VPS50: variants seen among roughly 807,000 people sequenced by gnomAD.
VPS50 encodes the protein VPS50 subunit of EARP/GARPII complex.
Under a neutral mutation model 139.7 loss-of-function variants are expected in VPS50, and 70 were observed. That is an observed-to-expected ratio of 0.50 (90% CI 0.41 to 0.61). The LOEUF (loss-of-function observed/expected upper bound fraction) is 0.61. Among genes scored for constraint, VPS50 ranks in the 20% least tolerant of loss-of-function variants. The probability of loss-of-function intolerance (pLI) is 0.00; values close to 1 mark genes in which losing one functional copy is unlikely to be tolerated. For synonymous variants in VPS50, 365 were observed against 376.7 expected (o/e 0.97, Z 0.36); for missense variants, 921 against 1,133.7 (o/e 0.81, Z 2.69).
At chr7:93,292,450 A>T (rs1387735689) in intron 13 of VPS50, among the ~76,000 whole-genome samples, 5 of 152,136 alleles carry the variant, frequency 3.3e-5, no homozygotes, top group African/African-American at 9.6e-5. Flanking sequence ...TTGTATAATT[A>T]TATATCTTAA....
Position 93,348,795 on chromosome 7 carries a change from G to A in VPS50, c.2292G>A (p.Gln764=), listed in dbSNP as rs1415416039. ...CAGTCAAAAAGCCCTTTCTTCAGCAGTTCTATTCTCAGGTCAGACATGGTC... is the reference window on the plus strand; with the variant it reads ...CAGTCAAAAAGCCCTTTCTTCAGCAATTCTATTCTCAGGTCAGACATGGTC... The part of the protein sequence containing the change: ...MPAVKKPFLQ[Q]FYSQTVSTAS... Residue 764 remains glutamine, a synonymous_variant, in exon 24 of 28, where the codon CAG becomes CAA. Coordinates refer to ENST00000305866, the MANE Select transcript of VPS50 (RefSeq NM_017667.4). The A allele has an allele frequency of 6.2e-7, 1 of 1,608,252 alleles. No individual in the cohort carries two copies. The highest frequency in any genetic ancestry group is 1.7e-5 in the Admixed American group (1 of 59,994).
intron 18 of VPS50, among the ~76,000 whole-genome samples, chr7:93,307,381 T>A (rs1797147546): frequency 6.6e-6 from 1 of 151,800 alleles, no homozygotes; most frequent in Non-Finnish European, 1.5e-5. Flanking sequence ...AACAGTTAAA[T>A]CACCAACAAA....
intron 9 of VPS50, among the ~76,000 whole-genome samples, chr7:93,268,784 C>T (rs1379141069): frequency 6.6e-6 from 1 of 151,984 alleles, no homozygotes; most frequent in Non-Finnish European, 1.5e-5. Context: ...TTGCTATTCA[C>T]ATGTCTTTGT....
chr7:93,237,958 T>C (rs1794867345), intron 1 of VPS50, among the ~76,000 whole-genome samples: 1 of 152,190 alleles, frequency 6.6e-6, no homozygotes, highest in Admixed American at 6.5e-5. Context: ...TATGTTCTCA[T>C]ATGATGGGTT....
At position 93,350,003 on chromosome 7, in the gene VPS50, G is replaced by A. The variant is rs1440459924; in HGVS notation, c.2433G>A (p.Gln811=). 1 of 1,612,904 alleles carries A rather than the reference G, an allele frequency of 6.2e-7. No homozygotes were observed. The highest frequency in any genetic ancestry group is 1.7e-4 in the Middle Eastern group (1 of 6,050). The change falls in exon 25 of 28, where the codon CAG becomes CAA. Residue 811 remains glutamine (Q), a synonymous_variant. Transcript: ENST00000305866. ...VKWDVKEIMS[Q]HNIYVDALLK... ...GGGATGTAAAAGAAATTATGTCACA[G>A]CACAACATATATGTAGATGCACTAT... is the stretch of plus-strand genomic sequence containing the variant.
intron 12 of VPS50, among the ~76,000 whole-genome samples, chr7:93,288,057 C>A (rs1796543296): frequency 6.6e-6 from 1 of 152,086 alleles, no homozygotes; most frequent in Non-Finnish European, 1.5e-5. Flanking sequence ...ATTAACGTCT[C>A]ATCTTACCTG....
At chr7:93,357,780 C>T (rs749774255) in intron 27 of VPS50, among the ~76,000 whole-genome samples, 4 of 152,066 alleles carry the variant, frequency 2.6e-5, no homozygotes, top group Admixed American at 6.6e-5. Flanking sequence ...ATTTGGATTG[C>T]GAAAGATACT....
rs1361143587 is a variant in VPS50, at chr7:93,353,678, T to G, written c.2502T>G (p.Ser834=). The G allele has an allele frequency of 6.2e-7, 1 of 1,613,248 alleles. No homozygotes were observed. Among genetic ancestry groups the G allele is most frequent in the African/African-American group, 1.3e-5 (1 of 74,908 alleles). ...TTAACAGGAGGCTAAATGAAGTTTCTAAGAGAGTTCGCATACCCTTGCCTG... is the reference window on the plus strand; with the variant it reads ...TTAACAGGAGGCTAAATGAAGTTTCGAAGAGAGTTCGCATACCCTTGCCTG... The part of the protein sequence containing the change: ...EQFNRRLNEV[S]KRVRIPLPVS... Residue 834 remains serine, a synonymous_variant, in exon 26 of 28, where the codon TCT becomes TCG. Transcript: ENST00000305866.
chr7:93,339,323 T>C (rs1356088075), intron 22 of VPS50, among the ~76,000 whole-genome samples: 3 of 131,984 alleles, frequency 2.3e-5, no homozygotes, highest in African/African-American at 5.4e-5. Context: ...TAGGAGAAGA[T>C]AGGAAATAAA....
intron 13 of VPS50, among the ~76,000 whole-genome samples, chr7:93,294,086 T>G (rs188019442): frequency 3.5e-4 from 53 of 152,360 alleles, no homozygotes; most frequent in African/African-American, 1.2e-3. Flanking sequence ...CTGGAGTGGA[T>G]AAAACTATTA....
At chr7:93,342,187 T>A (rs1236244254) in intron 23 of VPS50, among the ~76,000 whole-genome samples, 1 of 152,144 alleles carries the variant, frequency 6.6e-6, no homozygotes, top group Non-Finnish European at 1.5e-5. Flanking sequence ...GTCAGGGAGT[T>A]CCCTTTCCTA....
At chr7:93,295,087 C>T (rs568453998) in intron 14 of VPS50, among the ~76,000 whole-genome samples, 1 of 152,040 alleles carries the variant, frequency 6.6e-6, no homozygotes, top group African/African-American at 2.4e-5. Flanking sequence ...GATCTTTGTA[C>T]CTTGAGGGAA....
At chr7:93,324,516 A>C (rs868178151) in intron 21 of VPS50, among the ~76,000 whole-genome samples, 6 of 152,208 alleles carry the variant, frequency 3.9e-5, no homozygotes, top group South Asian at 2.1e-4. Flanking sequence ...GAATTTTGTC[A>C]AAGGCCTTTT....
chr7:93,322,371 G>T (rs1013619414), intron 20 of VPS50, among the ~76,000 whole-genome samples: 1 of 151,850 alleles, frequency 6.6e-6, no homozygotes, highest in African/African-American at 2.4e-5. Flanking sequence ...AGGCCGAGGC[G>T]GGCGGATCAC....
At chr7:93,312,071 ATAATTCT>A (rs1264092003) in intron 20 of VPS50, among the ~76,000 whole-genome samples, 1 of 152,128 alleles carries the variant, frequency 6.6e-6, no homozygotes, top group Admixed American at 6.6e-5. Context: ...GTTCTTTAAG[ATAATTCT>A]TAAATTTAAT....
chr7:93,268,562 G>A (rs746037214), intron 9 of VPS50, among the ~76,000 whole-genome samples: 4 of 152,028 alleles, frequency 2.6e-5, no homozygotes, highest in Non-Finnish European at 4.4e-5. Context: ...CCACTTATAA[G>A]TTAGAACATG....
At chr7:93,239,733 A>C in intron 1 of VPS50, 133 bp from the exon 2 acceptor site, 1 of 542,300 alleles carries the variant, frequency 1.8e-6, no homozygotes, top group Non-Finnish European at 3.4e-6. Flanking sequence ...TGCTTTTAGA[A>C]TATATCTTCC....
intron 21 of VPS50, among the ~76,000 whole-genome samples, chr7:93,326,412 C>G (rs1004102537): frequency 1.4e-5 from 2 of 144,236 alleles, no homozygotes; most frequent in African/African-American, 5.2e-5. Context: ...CTAACCTGCA[C>G]ATTATGCACA....
At chr7:93,234,082 A>G (rs1163174399) in intron 1 of VPS50, among the ~76,000 whole-genome samples, 2 of 152,202 alleles carry the variant, frequency 1.3e-5, no homozygotes, top group Admixed American at 6.5e-5. Flanking sequence ...TTTGTACTTT[A>G]TATCACTAAT....
Sources: allele counts gnomAD v4.1 joint callset (sites outside exome capture counted in the v4.1 genomes callset), GRCh38; gene constraint gnomAD v4.1.1; transcripts MANE v1.5; gene names NCBI Gene and HGNC (gene_info 2026-07-23, HGNC 2026-07-21).